DLGAP2: variants seen among roughly 807,000 people sequenced by gnomAD.
DLGAP2 encodes disks large-associated protein 2.
Under a neutral mutation model 100.3 loss-of-function variants are expected in DLGAP2, and 26 were observed. The observed-to-expected ratio is 0.26, with a 90% CI of 0.19 to 0.36. The LOEUF (loss-of-function observed/expected upper bound fraction) is 0.36, where lower values mean the gene tolerates loss of function less well. Among genes scored for constraint, DLGAP2 ranks in the 10% least tolerant of loss-of-function variants. The pLI is 1.00. For synonymous variants in DLGAP2, 886 were observed against 630.1 expected, an observed-to-expected ratio of 1.41 and a Z score of -6.08; for missense variants, 1,858 against 1,453.2, an observed-to-expected ratio of 1.28 and a Z score of -4.53.
At chr8:1,326,072 T>C (rs1044389968) in intron 3 of DLGAP2, among the ~76,000 whole-genome samples, 3 of 152,206 alleles carry the variant, frequency 2.0e-5, no homozygotes, top group African/African-American at 7.2e-5. Flanking sequence ...TGGCCATAAG[T>C]GGACTCAACT....
chr8:894,743 G>A (rs1196423068), intron 1 of DLGAP2, among the ~76,000 whole-genome samples: 9 of 134,924 alleles, frequency 6.7e-5, no homozygotes, highest in African/African-American at 2.6e-4. Flanking sequence ...GGCAGGGTGG[G>A]GAGAGCGGAG....
At chr8:1,482,822 G>A (rs1244095190) in intron 3 of DLGAP2, among the ~76,000 whole-genome samples, 1 of 152,250 alleles carries the variant, frequency 6.6e-6, no homozygotes, top group Non-Finnish European at 1.5e-5. Flanking sequence ...ACCCTCGTTC[G>A]GGGCATCAGG....
chr8:1,641,574 C>T (rs145519237), intron 8 of DLGAP2, among the ~76,000 whole-genome samples: 35 of 152,236 alleles, frequency 2.3e-4, no homozygotes, highest in Non-Finnish European at 3.5e-4. Flanking sequence ...CAGTTGACAA[C>T]GATCTGCGTC....
chr8:1,095,552 G>A (rs1804340679), intron 2 of DLGAP2, among the ~76,000 whole-genome samples: 1 of 152,318 alleles, frequency 6.6e-6, no homozygotes, highest in Admixed American at 6.5e-5. Flanking sequence ...TAATGGGTTA[G>A]CAGTGTCCAC....
chr8:1,595,661 G>A (rs1206638308), intron 6 of DLGAP2, among the ~76,000 whole-genome samples: 13 of 126,950 alleles, frequency 1.0e-4, no homozygotes, highest in African/African-American at 3.0e-4. Flanking sequence ...GCGACAGAGC[G>A]AGACTCCGTC....
At chr8:1,667,384 A>T (rs756759492) in intron 8 of DLGAP2, among the ~76,000 whole-genome samples, 2 of 152,122 alleles carry the variant, frequency 1.3e-5, no homozygotes, top group Non-Finnish European at 2.9e-5. Context: ...AGAATGCCCC[A>T]TGCAACTCGA....
intron 1 of DLGAP2, among the ~76,000 whole-genome samples, chr8:748,138 GCGGGTCTGCGGTGGGAT>G (rs1156745218): frequency 1.5e-3 from 37 of 25,042 alleles, no homozygotes; most frequent in African/African-American, 4.1e-3. Flanking sequence ...GGTGGGATGG[GCGGGTCTGCGGTGGGAT>G]GGGCGGGTCT....
intron 2 of DLGAP2, among the ~76,000 whole-genome samples, chr8:1,214,517 G>A (rs901776939): frequency 7.2e-5 from 11 of 152,212 alleles, no homozygotes; most frequent in African/African-American, 2.7e-4. Context: ...AGTGGCCAAG[G>A]TAATACCCTA....
chr8:1,131,342 A>G (rs1353169973), intron 2 of DLGAP2, among the ~76,000 whole-genome samples: 1 of 152,098 alleles, frequency 6.6e-6, no homozygotes, highest in African/African-American at 2.4e-5. Context: ...TCTGTTCTGG[A>G]TACTCCAGAT....
intron 12 of DLGAP2, among the ~76,000 whole-genome samples, chr8:1,687,176 ACT>A (rs1286529861): frequency 3.3e-5 from 5 of 152,300 alleles, no homozygotes; most frequent in East Asian, 3.9e-4. Context: ...ATCATTTCCG[ACT>A]CTCTGCAAAT....
chr8:1,223,410 A>G (rs528464520), intron 2 of DLGAP2, among the ~76,000 whole-genome samples: 150 of 152,278 alleles, frequency 9.9e-4, no homozygotes, highest in Non-Finnish European at 1.7e-3. Context: ...AAGAGTGACT[A>G]CTGTTCAGGG....
intron 4 of DLGAP2, among the ~76,000 whole-genome samples, chr8:1,544,788 A>G (rs575597968): frequency 2.8e-4 from 42 of 150,058 alleles, no homozygotes; most frequent in Middle Eastern, 3.4e-3. Context: ...GCTGGAGTGC[A>G]GTGGTGTAAT....
intron 6 of DLGAP2, among the ~76,000 whole-genome samples, chr8:1,593,730 G>A (rs1035881201): frequency 2.6e-5 from 4 of 152,148 alleles, no homozygotes; most frequent in South Asian, 2.1e-4. Context: ...CAAGCATTGG[G>A]CCTGCTGGAG....
intron 3 of DLGAP2, among the ~76,000 whole-genome samples, chr8:1,391,565 A>T (rs11136390): frequency 6.6e-6 from 1 of 151,956 alleles, no homozygotes; most frequent in Admixed American, 6.5e-5. Context: ...CTACCAGCAC[A>T]TGTTCCACCA....
intron 2 of DLGAP2, among the ~76,000 whole-genome samples, chr8:1,131,045 A>G (rs1356331570): frequency 6.6e-6 from 1 of 152,206 alleles, no homozygotes; most frequent in Non-Finnish European, 1.5e-5. Flanking sequence ...AAGGATGCGC[A>G]TTATTTTCCT....
At chr8:757,182 A>G (rs1820942726) in intron 1 of DLGAP2, among the ~76,000 whole-genome samples, 1 of 152,066 alleles carries the variant, frequency 6.6e-6, no homozygotes, top group Non-Finnish European at 1.5e-5. Context: ...TTTCTGCTTT[A>G]AACTTGCTCC....
intron 4 of DLGAP2, among the ~76,000 whole-genome samples, chr8:1,544,779 C>T (rs1801477424): frequency 6.7e-6 from 1 of 150,282 alleles, no homozygotes; most frequent in Non-Finnish European, 1.5e-5. Context: ...TGTCGCCAGG[C>T]TGGAGTGCAG....
chr8:803,932 T>C (rs1796218266), intron 1 of DLGAP2, among the ~76,000 whole-genome samples: 2 of 152,218 alleles, frequency 1.3e-5, no homozygotes, highest in South Asian at 4.1e-4. Flanking sequence ...AGATTATGGA[T>C]AGAAAGATGT....
chr8:813,469 TGAA>T (rs1307032902), intron 1 of DLGAP2, among the ~76,000 whole-genome samples: 1 of 152,192 alleles, frequency 6.6e-6, no homozygotes, highest in African/African-American at 2.4e-5. Flanking sequence ...ATGCCTCATG[TGAA>T]ATAGAAACAT....
Sources: gnomAD v4.1 joint callset for allele counts (sites outside exome capture counted in the v4.1 genomes callset) on GRCh38, gnomAD v4.1.1 for gene constraint, MANE v1.5 for transcripts, NCBI Gene and HGNC (gene_info 2026-07-23, HGNC 2026-07-21) for gene names.